Variants in RAPGEF5 observed in about 807,000 individuals in gnomAD.
RAPGEF5 encodes the protein M-Ras-regulated GEF.
In RAPGEF5, 65 loss-of-function variants were observed where a neutral mutation model predicts 125.2. That is an observed-to-expected ratio of 0.52 (90% CI 0.43 to 0.64). RAPGEF5 has a LOEUF of 0.64. Among genes scored for constraint, RAPGEF5 ranks in the 30% least tolerant of loss-of-function variants. The pLI is 0.00. For synonymous variants in RAPGEF5, 391 were observed against 385.9 expected (o/e 1.01, Z -0.16); for missense variants, 958 against 1,048.1 (o/e 0.91, Z 1.19).
At chr7:22,344,164 G>A (rs560731828) in intron 1 of RAPGEF5, among the ~76,000 whole-genome samples, 37 of 152,262 alleles carry the variant, frequency 2.4e-4, no homozygotes, top group Admixed American at 1.7e-3. Context: ...CCCAAAGAGG[G>A]ATTGGGCCTC....
Position 22,156,274 on chromosome 7 carries a change from T to C in RAPGEF5, c.1636+536A>G, listed in dbSNP as rs1228385257. ...AAAGGAGAAAACCACTGGTAATATTTCTTATTTCACGCAAATAAGCAGTGA... is the reference window on the plus strand; with the variant it reads ...AAAGGAGAAAACCACTGGTAATATTCCTTATTTCACGCAAATAAGCAGTGA... On this transcript the variant is annotated intron_variant, in intron 16 of 25. Transcript: ENST00000665637. 2.6e-5 allele frequency among the ~76,000 whole-genome samples: 4 copies of C among 152,358 alleles called. No individual in the cohort carries two copies. In the East Asian group the frequency reaches 7.7e-4, roughly 29 times the overall value.
chr7:22,192,701 A>G (rs1785032864), intron 11 of RAPGEF5: 1 of 152,336 alleles, frequency 6.6e-6, no homozygotes, highest in Non-Finnish European at 1.5e-5. Context: ...GTCATTTTGT[A>G]AGTGGAACAG....
intron 9 of RAPGEF5, among the ~76,000 whole-genome samples, chr7:22,205,533 C>T (rs1785378754): frequency 6.6e-6 from 1 of 152,152 alleles, no homozygotes; most frequent in South Asian, 2.1e-4. Context: ...AAAATATAGG[C>T]ATGCTCTCAA....
intron 8 of RAPGEF5, chr7:22,220,312 T>C (rs994888073): frequency 6.5e-5 from 14 of 214,646 alleles, no homozygotes; most frequent in African/African-American, 2.0e-4. Flanking sequence ...TCCTGTTACA[T>C]AAGCAGAGCC....
rs549681270 is a variant in RAPGEF5 at position 22,335,755 on chromosome 7, G to A, written c.232-17718C>T. The stretch of plus-strand genomic sequence containing the variant: ...ACGAAACTTCCAAAGCTGTCCTAAA[G>A]GCAAATATCACCATTTAGTCATTTA... On this transcript the variant is annotated intron_variant, in intron 1 of 25. Transcript: ENST00000665637. 6.0e-5 allele frequency among the ~76,000 whole-genome samples: 9 copies of A among 148,908 alleles called. No individual in the cohort carries two copies. In the South Asian group the frequency reaches 1.5e-3, roughly 25 times the overall value.
chr7:22,256,568 A>G (rs1479442046), intron 7 of RAPGEF5, among the ~76,000 whole-genome samples: 2 of 152,214 alleles, frequency 1.3e-5, no homozygotes, highest in Non-Finnish European at 2.9e-5. Flanking sequence ...TTAAAATCCC[A>G]GATACTTTAG....
chr7:22,245,407 T>A (rs896102063), intron 7 of RAPGEF5, among the ~76,000 whole-genome samples: 2 of 152,168 alleles, frequency 1.3e-5, no homozygotes, highest in African/African-American at 4.8e-5. Flanking sequence ...TTATACAGAT[T>A]TCCCCCTATG....
intron 11 of RAPGEF5, among the ~76,000 whole-genome samples, chr7:22,184,964 G>T (rs1784785071): frequency 6.6e-6 from 1 of 151,968 alleles, no homozygotes; most frequent in African/African-American, 2.4e-5. Context: ...CCTTTTTGAA[G>T]CAGTTAGCTC....
At chr7:22,245,394 A>C (rs547706281) in intron 7 of RAPGEF5, among the ~76,000 whole-genome samples, 1 of 152,220 alleles carries the variant, frequency 6.6e-6, no homozygotes, top group African/African-American at 2.4e-5. Context: ...GTCTAGACCA[A>C]TGTTATACAG....
At chr7:22,173,188 T>G (rs2128118177) in intron 11 of RAPGEF5, among the ~76,000 whole-genome samples, 1 of 152,350 alleles carries the variant, frequency 6.6e-6, no homozygotes, top group East Asian at 1.9e-4. Context: ...TGAGAAGCAG[T>G]GCCAAAATGT....
chr7:22,147,092 G>T, intron 18 of RAPGEF5, 73 bp from the exon 19 acceptor site: 1 of 1,538,644 alleles, frequency 6.5e-7, no homozygotes, highest in Non-Finnish European at 8.8e-7. Context: ...GCTGTAGAAA[G>T]GCACTAGAAG....
At chr7:22,134,428 G>T (rs2128101047) in intron 23 of RAPGEF5, among the ~76,000 whole-genome samples, 1 of 152,254 alleles carries the variant, frequency 6.6e-6, no homozygotes, top group Non-Finnish European at 1.5e-5. Flanking sequence ...AATTTGTCTT[G>T]CTGCCAACAG....
intron 7 of RAPGEF5, among the ~76,000 whole-genome samples, chr7:22,247,599 T>C (rs1265911926): frequency 6.6e-6 from 1 of 152,090 alleles, no homozygotes; most frequent in African/African-American, 2.4e-5. Flanking sequence ...CATGTGGAAC[T>C]GTGAGTCCTC....
At chr7:22,172,420 G>A (rs549260339) in intron 11 of RAPGEF5, among the ~76,000 whole-genome samples, 9 of 151,968 alleles carry the variant, frequency 5.9e-5, no homozygotes, top group South Asian at 4.2e-4. Context: ...CACCGTGCCC[G>A]GCCTATTTTA....
At chr7:22,267,147 T>C in intron 6 of RAPGEF5, 135 bp from the exon 7 acceptor site, 1 of 774,970 alleles carries the variant, frequency 1.3e-6, no homozygotes, top group East Asian at 2.7e-5. Flanking sequence ...CCAGCACTTT[T>C]TTGATTTTTG....
chr7:22,206,109 G>A (rs1785391002), intron 9 of RAPGEF5, among the ~76,000 whole-genome samples: 1 of 152,176 alleles, frequency 6.6e-6, no homozygotes, highest in African/African-American at 2.4e-5. Flanking sequence ...AATCTGGGGG[G>A]AAGGGTGTCT....
At chr7:22,311,952 T>G (rs1783479479) in intron 3 of RAPGEF5, among the ~76,000 whole-genome samples, 1 of 152,214 alleles carries the variant, frequency 6.6e-6, no homozygotes, top group Non-Finnish European at 1.5e-5. Context: ...CTCAAAACAA[T>G]GCAGGTCCTC....
intron 11 of RAPGEF5, among the ~76,000 whole-genome samples, chr7:22,179,972 G>A (rs1784624306): frequency 6.6e-6 from 1 of 152,150 alleles, no homozygotes; most frequent in Non-Finnish European, 1.5e-5. Context: ...CTCTGCCTAT[G>A]GAGTAGCCAT....
chr7:22,332,587 G>A (rs954156622), intron 1 of RAPGEF5, among the ~76,000 whole-genome samples: 1 of 152,150 alleles, frequency 6.6e-6, no homozygotes, highest in African/African-American at 2.4e-5. Context: ...CTAACAAGAG[G>A]TTTTCAACAA....
Sources: gnomAD v4.1 joint callset for allele counts (sites outside exome capture counted in the v4.1 genomes callset) on GRCh38, gnomAD v4.1.1 for gene constraint, MANE v1.5 for transcripts, NCBI Gene and HGNC (gene_info 2026-07-23, HGNC 2026-07-21) for gene names.